Variants in AFF1 observed in about 807,000 individuals in gnomAD.
AFF1 encodes the protein AF4/FMR2 family member 1.
AFF1 carries 48 observed loss-of-function variants against 121.7 expected under a neutral mutation model. The observed-to-expected ratio is 0.39, with a 90% CI of 0.31 to 0.50. The LOEUF (loss-of-function observed/expected upper bound fraction) is 0.50. Among genes scored for constraint, AFF1 ranks in the 20% least tolerant of loss-of-function variants. AFF1 has a pLI of 0.76. For synonymous variants in AFF1, 613 were observed against 563.0 expected, an observed-to-expected ratio of 1.09 and a Z score of -1.26; for missense variants, 1,523 against 1,511.7, an observed-to-expected ratio of 1.01 and a Z score of -0.12.
At chr4:87,043,709 T>G (rs1730382840) in intron 2 of AFF1, among the ~76,000 whole-genome samples, 1 of 152,240 alleles carries the variant, frequency 6.6e-6, no homozygotes, top group Non-Finnish European at 1.5e-5. Context: ...CTGGCATAAA[T>G]TATTAACTTT....
At chr4:87,111,089 G>A (rs1307140874) in intron 11 of AFF1, among the ~76,000 whole-genome samples, 1 of 78,880 alleles carries the variant, frequency 1.3e-5, no homozygotes, top group African/African-American at 4.4e-5. Context: ...CTCACTGCAA[G>A]CTCCGCCTCC....
At chr4:87,116,814 TGTATG>T (rs1387981455) in intron 12 of AFF1, among the ~76,000 whole-genome samples, 1 of 151,850 alleles carries the variant, frequency 6.6e-6, no homozygotes, top group Non-Finnish European at 1.5e-5. Context: ...TTAAACTTTT[TGTATG>T]GGATGGGGTG....
At position 87,135,736 on chromosome 4, in the gene AFF1, AT is replaced by A; in HGVS notation, c.*40del. On this transcript the variant is annotated 3_prime_UTR_variant, in exon 21 of 21. Transcript: ENST00000395146. ...AGGTTGATTCAATGCCTTGGGAACT[AT>A]TTTTGCACATTGGAAGCCTCAAAAA... The A allele has an allele frequency of 6.3e-7, 1 of 1,592,274 alleles. No homozygotes were observed. Among genetic ancestry groups the A allele is most frequent in the Non-Finnish European group, 8.6e-7 (1 of 1,168,002 alleles).
chr4:86,956,835 G>A (rs1305471591), intron 2 of AFF1, among the ~76,000 whole-genome samples: 1 of 152,160 alleles, frequency 6.6e-6, no homozygotes, highest in Non-Finnish European at 1.5e-5. Flanking sequence ...CATTTAGGTA[G>A]TATCCACTTT....
intron 4 of AFF1, among the ~76,000 whole-genome samples, chr4:87,061,357 T>C (rs1720770142): frequency 6.6e-6 from 1 of 152,206 alleles, no homozygotes; most frequent in African/African-American, 2.4e-5. Flanking sequence ...AAGATATCCA[T>C]AGTACCTTAA....
chr4:86,969,577 T>TAAAA (rs5860046), intron 2 of AFF1, among the ~76,000 whole-genome samples: 3,196 of 145,716 alleles, frequency 0.022, 70 homozygotes, highest in Middle Eastern at 0.053. Flanking sequence ...AAATAGTTGT[T>TAAAA]AAAAAAAAAA....
At chr4:87,093,921 G>C (rs950765124) in intron 7 of AFF1, among the ~76,000 whole-genome samples, 3 of 152,118 alleles carry the variant, frequency 2.0e-5, no homozygotes, top group Non-Finnish European at 2.9e-5. Context: ...TCCCTTCTAA[G>C]TTATGCCAGG....
intron 2 of AFF1, among the ~76,000 whole-genome samples, chr4:87,034,648 T>G (rs1729386994): frequency 1.3e-5 from 2 of 152,222 alleles, no homozygotes; most frequent in African/African-American, 4.8e-5. Context: ...ATAAGTATGG[T>G]AAACTGAAGA....
At chr4:86,999,866 A>G (rs1340322311) in intron 2 of AFF1, among the ~76,000 whole-genome samples, 2 of 152,188 alleles carry the variant, frequency 1.3e-5, no homozygotes, top group Non-Finnish European at 1.5e-5. Flanking sequence ...GGTAGCGTTT[A>G]CAGAGAAGAA....
intron 7 of AFF1, among the ~76,000 whole-genome samples, chr4:87,094,480 A>G (rs1481573799): frequency 6.6e-6 from 1 of 152,224 alleles, no homozygotes; most frequent in Non-Finnish European, 1.5e-5. Context: ...GGGGAGTTGA[A>G]TAATGAAGGG....
chr4:87,041,719 A>T (rs538782702), intron 2 of AFF1, among the ~76,000 whole-genome samples: 1 of 152,076 alleles, frequency 6.6e-6, no homozygotes, highest in South Asian at 2.1e-4. Context: ...AGTTATTGAA[A>T]GGTGATTATT....
intron 13 of AFF1, among the ~76,000 whole-genome samples, chr4:87,125,670 T>C (rs1328318888): frequency 6.6e-6 from 1 of 152,148 alleles, no homozygotes; most frequent in Non-Finnish European, 1.5e-5. Context: ...GCAGCTATTA[T>C]TTACTGTGAT....
intron 2 of AFF1, among the ~76,000 whole-genome samples, chr4:86,959,857 C>T (rs1208084509): frequency 6.6e-6 from 1 of 152,144 alleles, no homozygotes; most frequent in Non-Finnish European, 1.5e-5. Context: ...TGAGCGATGT[C>T]TTAAAGCCAG....
intron 4 of AFF1, among the ~76,000 whole-genome samples, chr4:87,074,219 A>G (rs923102226): frequency 1.8e-4 from 27 of 152,198 alleles, no homozygotes; most frequent in Non-Finnish European, 3.7e-4. Context: ...GAAATAGATC[A>G]TATAGCTTAG....
chr4:86,981,331 A>G (rs973778806), intron 2 of AFF1, among the ~76,000 whole-genome samples: 1 of 151,994 alleles, frequency 6.6e-6, no homozygotes, highest in African/African-American at 2.4e-5. Flanking sequence ...TGCTTTGTAT[A>G]GTTCTGATAT....
chr4:87,021,672 G>A (rs1376172496), intron 2 of AFF1, among the ~76,000 whole-genome samples: 1 of 152,162 alleles, frequency 6.6e-6, no homozygotes, highest in Admixed American at 6.5e-5. Context: ...AATTAAAAGA[G>A]AAATGTCTTC....
At chr4:87,044,888 C>T (rs995488403) in intron 2 of AFF1, among the ~76,000 whole-genome samples, 2 of 151,912 alleles carry the variant, frequency 1.3e-5, no homozygotes, top group Admixed American at 6.6e-5. Context: ...AGTAGATCTG[C>T]GTCAGATTAT....
intron 4 of AFF1, among the ~76,000 whole-genome samples, chr4:87,074,184 G>A (rs746057119): frequency 2.0e-5 from 3 of 152,024 alleles, no homozygotes; most frequent in African/African-American, 4.8e-5. Context: ...TGAGGTTTTC[G>A]TGAGCAGAAT....
intron 4 of AFF1, among the ~76,000 whole-genome samples, chr4:87,080,810 C>T (rs1044488374): frequency 1.3e-5 from 2 of 152,112 alleles, no homozygotes; most frequent in Non-Finnish European, 2.9e-5. Context: ...GTAAACAAAT[C>T]CAAAAGATCT....
Sources: allele counts gnomAD v4.1 joint callset (sites outside exome capture counted in the v4.1 genomes callset), GRCh38; gene constraint gnomAD v4.1.1; transcripts MANE v1.5; gene names NCBI Gene and HGNC (gene_info 2026-07-23, HGNC 2026-07-21).